Variants in SLC5A11 observed in about 807,000 individuals in gnomAD.
SLC5A11 encodes sodium/myo-inositol cotransporter 2.
SLC5A11 carries 48 observed loss-of-function variants against 69.8 expected under a neutral mutation model. The ratio of observed to expected loss-of-function variants is 0.69; its 90% CI spans 0.55 to 0.87. SLC5A11 has a LOEUF of 0.87. Among genes scored for constraint, SLC5A11 ranks in the 40% least tolerant of loss-of-function variants. The probability of loss-of-function intolerance (pLI) is 0.00; values close to 1 mark genes in which losing one functional copy is unlikely to be tolerated. For synonymous variants in SLC5A11, 319 were observed against 342.4 expected, an observed-to-expected ratio of 0.93 and a Z score of 0.75; for missense variants, 784 against 866.1, an observed-to-expected ratio of 0.91 and a Z score of 1.19.
chr16:24,857,582 C>T (rs1258599779), intron 1 of SLC5A11, among the ~76,000 whole-genome samples: 1 of 152,192 alleles, frequency 6.6e-6, no homozygotes, highest in Admixed American at 6.6e-5. Flanking sequence ...CACCTGCACT[C>T]CTTGGCTTGT....
intron 1 of SLC5A11, among the ~76,000 whole-genome samples, chr16:24,851,849 A>G (rs537536158): frequency 1.2e-3 from 177 of 152,270 alleles, no homozygotes; most frequent in African/African-American, 4.1e-3. Flanking sequence ...GTGCAGTTCT[A>G]AAGTATTTAC....
rs1314342349 is a variant in SLC5A11, at chr16:24,906,645, T to A, written c.1007-12T>A. 4.4e-6 allele frequency: 7 copies of A among 1,593,014 alleles called. No homozygotes were observed. On this transcript the variant is annotated splice_polypyrimidine_tract_variant and intron_variant, in intron 10 of 15. Coordinates refer to ENST00000347898, the Ensembl canonical transcript of SLC5A11. ...CTGACTGCTCACCTCTGGGCCTGTG[T>A]TTCCTTCGTAGATCAAGTGGCCTGT...
chr16:24,849,593 A>AAAAAAAAAAAAAATATAGATATATAT, intron 1 of SLC5A11, among the ~76,000 whole-genome samples: 1 of 35,922 alleles, frequency 2.8e-5, no homozygotes, highest in Non-Finnish European at 5.6e-5. Context: ...AAAAAAAAAA[A>AAAAAAAAAAAAAATATAGATATATAT]ATATATATAT....
intron 3 of SLC5A11, 92 bp from the exon 5 acceptor site, chr16:24,869,809 C>A: frequency 1.1e-6 from 1 of 903,414 alleles, no homozygotes; most frequent in Non-Finnish European, 1.8e-6. Flanking sequence ...TACTTCTCTT[C>A]TCTGTCCCTT....
chr16:24,905,641 CACACACA>C (rs1241757922), intron 10 of SLC5A11, among the ~76,000 whole-genome samples: 2 of 10,916 alleles, frequency 1.8e-4, no homozygotes, highest in Non-Finnish European at 6.9e-4. Flanking sequence ...CGCGCGCGCG[CACACACA>C]CACACACACA....
At chr16:24,900,344 C>A in intron 10 of SLC5A11, among the ~76,000 whole-genome samples, 1 of 152,138 alleles carries the variant, frequency 6.6e-6, no homozygotes, top group Non-Finnish European at 1.5e-5. Flanking sequence ...TTGTAGTTGG[C>A]TCAGAAGCTT....
At chr16:24,881,644 CAAGT>C (rs2048049536) in intron 7 of SLC5A11, among the ~76,000 whole-genome samples, 1 of 152,130 alleles carries the variant, frequency 6.6e-6, no homozygotes, top group South Asian at 2.1e-4. Context: ...GTATCTCAAC[CAAGT>C]TTAAATAACA....
chr16:24,860,225 TG>T (rs1395000305), intron 2 of SLC5A11, among the ~76,000 whole-genome samples: 1 of 152,134 alleles, frequency 6.6e-6, no homozygotes, highest in African/African-American at 2.4e-5. Context: ...AGGCAGAGCT[TG>T]CAGTGAGCCG....
rs550088179 is a variant in SLC5A11, at chr16:24,907,488, G to C, written c.1265+313G>C. Among the ~76,000 whole-genome samples the C allele has an allele frequency of 5.9e-5, 9 of 152,240 alleles. No homozygotes were observed. The South Asian group carries it at 1.2e-3, about 21-fold the overall frequency. On this transcript the variant is annotated intron_variant, in intron 12 of 15. Coordinates refer to ENST00000347898, the Ensembl canonical transcript of SLC5A11. ...AGTACTTTGGGAGGCCGAGGCGGTG[G>C]ATCACTTGAGGTCAGGTGTTCAAGA...
intron 3 of SLC5A11, among the ~76,000 whole-genome samples, chr16:24,868,770 T>G (rs1210350601): frequency 1.3e-5 from 2 of 151,200 alleles, no homozygotes; most frequent in African/African-American, 4.9e-5. Flanking sequence ...CTTTCACAAT[T>G]CTCTCTCCTC....
chr16:24,848,704 C>A (rs1048592531), intron 1 of SLC5A11, among the ~76,000 whole-genome samples: 1 of 152,102 alleles, frequency 6.6e-6, no homozygotes, highest in Non-Finnish European at 1.5e-5. Flanking sequence ...CACAGATGTT[C>A]GAGAGTTTGA....
intron 10 of SLC5A11, among the ~76,000 whole-genome samples, chr16:24,898,911 G>A (rs554499693): frequency 1.3e-5 from 2 of 152,060 alleles, no homozygotes; most frequent in South Asian, 4.2e-4. Context: ...CAGACTTCTG[G>A]GCTGAAGGGA....
chr16:24,907,036 C>T, exon 12 of SLC5A11: 1 of 1,613,990 alleles, frequency 6.2e-7, no homozygotes, highest in Non-Finnish European at 8.5e-7. Flanking sequence ...GCTCCGTGGG[C>T]TGATGATGGC....
rs746852614 is a variant in SLC5A11, at chr16:24,898,126, G to A, written c.1006+17G>A. The A allele has an allele frequency of 8.7e-6, 14 of 1,612,592 alleles. No individual in the cohort carries two copies. The highest frequency in any genetic ancestry group is 1.2e-5 in the Non-Finnish European group (14 of 1,179,702). The stretch of plus-strand genomic sequence containing the variant: ...TCTTCCCAGGTGAGAACACAGCTGG[G>A]GGAAGAGGTCATTGGTATGTGAGTC... On this transcript the variant is annotated intron_variant, in intron 10 of 15. Transcript: ENST00000347898.
chr16:24,881,750 A>C (rs953869226), intron 7 of SLC5A11, among the ~76,000 whole-genome samples: 1 of 152,118 alleles, frequency 6.6e-6, no homozygotes, highest in African/African-American at 2.4e-5. Flanking sequence ...GCAAATGGTT[A>C]TGTAGGCTGT....
chr16:24,880,647 T>TAGTGCTGTAGAA (rs1567630593), intron 7 of SLC5A11, among the ~76,000 whole-genome samples: 4 of 152,070 alleles, frequency 2.6e-5, no homozygotes, highest in Admixed American at 1.3e-4. Context: ...TGCTACACAC[T>TAGTGCTGTAGAA]TTTAAACAAC....
chr16:24,896,074 C>G (rs200592161), intron 9 of SLC5A11, among the ~76,000 whole-genome samples: 1 of 83,590 alleles, frequency 1.2e-5, no homozygotes, highest in Non-Finnish European at 2.6e-5. Context: ...TTTTTTTTTT[C>G]TGGGCGTGGT....
intron 1 of SLC5A11, among the ~76,000 whole-genome samples, chr16:24,854,800 A>G (rs2059455986): frequency 6.6e-6 from 1 of 152,066 alleles, no homozygotes; most frequent in Admixed American, 6.6e-5. Context: ...ACAACCCACA[A>G]GGGTCCCCTC....
chr16:24,901,964 A>G (rs982940437), intron 10 of SLC5A11, among the ~76,000 whole-genome samples: 39 of 132,702 alleles, frequency 2.9e-4, no homozygotes, highest in East Asian at 9.9e-4. Flanking sequence ...ACACGCACAC[A>G]CACACACACA....
Sources: allele counts gnomAD v4.1 joint callset (sites outside exome capture counted in the v4.1 genomes callset), GRCh38; gene constraint gnomAD v4.1.1; transcripts MANE v1.5; gene names NCBI Gene and HGNC (gene_info 2026-07-23, HGNC 2026-07-21).